The following FBXO9 variants were observed in gnomAD, a reference collection of about 807,000 sequenced individuals.
The protein encoded by FBXO9 is F-box only protein 9.
A neutral mutation model predicts 63.7 loss-of-function variants in FBXO9; 43 were observed. That is an observed-to-expected ratio of 0.67 (90% CI 0.53 to 0.87). The LOEUF (loss-of-function observed/expected upper bound fraction) is 0.87, where lower values mean the gene tolerates loss of function less well. Among genes scored for constraint, FBXO9 ranks in the 40% least tolerant of loss-of-function variants. The probability of loss-of-function intolerance (pLI) is 0.00; values close to 1 mark genes in which losing one functional copy is unlikely to be tolerated. For missense variants in FBXO9, 442 were observed against 533.2 expected, an observed-to-expected ratio of 0.83 and a Z score of 1.68; for synonymous variants, 156 against 171.7, an observed-to-expected ratio of 0.91 and a Z score of 0.72.
intron 3 of FBXO9, 95 bp downstream of exon 3, chr6:53,073,734 T>C: frequency 2.9e-6 from 3 of 1,044,308 alleles, no homozygotes; most frequent in Non-Finnish European, 4.1e-6. Flanking sequence ...TAACCAGACT[T>C]TCGGGACATA....
chr6:53,065,850 A>T (rs1768675821), intron 1 of FBXO9, 58 bp downstream of exon 1: 1 of 1,283,242 alleles, frequency 7.8e-7, no homozygotes, highest in Non-Finnish European at 9.9e-7. Context: ...TGGTGTGCAG[A>T]GGGGCCGGGC....
At chr6:53,083,662 T>C (rs1000532624) in intron 7 of FBXO9, among the ~76,000 whole-genome samples, 1 of 152,178 alleles carries the variant, frequency 6.6e-6, no homozygotes, top group Admixed American at 6.5e-5. Flanking sequence ...TGTGATGGCC[T>C]TTGTGCAGAG....
intron 8 of FBXO9, 84 bp from the exon 9 acceptor site, chr6:53,092,650 C>CATT: frequency 7.2e-7 from 1 of 1,392,004 alleles, no homozygotes; most frequent in Non-Finnish European, 1.0e-6. Context: ...GTACTGTAAG[C>CATT]ATGTTTAAAG....
At chr6:53,089,695 T>G (rs1181690880) in intron 7 of FBXO9, among the ~76,000 whole-genome samples, 1 of 152,146 alleles carries the variant, frequency 6.6e-6, no homozygotes, top group Non-Finnish European at 1.5e-5. Context: ...GTTTATCATC[T>G]CAAAAGGGAT....
intron 1 of FBXO9, chr6:53,070,784 A>G: frequency 5.0e-6 from 2 of 400,552 alleles, no homozygotes; most frequent in South Asian, 6.4e-5. Flanking sequence ...GATGGATGCA[A>G]CTGATGTTAA....
intron 7 of FBXO9, among the ~76,000 whole-genome samples, chr6:53,086,079 G>A (rs949637324): frequency 7.9e-5 from 12 of 152,212 alleles, no homozygotes; most frequent in Admixed American, 7.2e-4. Context: ...AACCCGGTAG[G>A]CGGAGGTTGC....
rs894506328 is a variant in FBXO9, at chr6:53,093,901, C to G, written c.976C>G (p.Leu326Val). The G allele has an allele frequency of 5.8e-6, 9 of 1,546,986 alleles. No individual in the cohort carries two copies. The highest frequency in any genetic ancestry group is 7.9e-6 in the Non-Finnish European group (9 of 1,144,666). Residue 326 changes from leucine (L) to valine (V), a missense_variant, in exon 11 of 13, where the codon CTG becomes GTG. Transcript: ENST00000323557. ...TTTTTTAAGGACTGATGCAATTCTA[C>G]TGGGTCACTATCGCTTGTCACAAGA... ...TRNTRTDAIL[L>V]GHYRLSQDTD... is the part of the protein sequence containing the mutation.
chr6:53,086,234 G>GA (rs1762882818), intron 7 of FBXO9, among the ~76,000 whole-genome samples: 1 of 152,210 alleles, frequency 6.6e-6, no homozygotes, highest in Admixed American at 6.5e-5. Flanking sequence ...AAACCTGCCA[G>GA]AGATGTCAAA....
intron 3 of FBXO9, 113 bp downstream of exon 3, chr6:53,073,752 A>G: frequency 1.1e-6 from 1 of 875,108 alleles, no homozygotes; most frequent in Non-Finnish European, 1.7e-6. Context: ...ATAAACACAT[A>G]TCTTGTAAAA....
intron 4 of FBXO9, among the ~76,000 whole-genome samples, chr6:53,077,365 T>G: frequency 6.8e-6 from 1 of 147,548 alleles, no homozygotes; most frequent in Non-Finnish European, 1.5e-5. Context: ...CCCAGCTACT[T>G]GGGAGGCTGA....
chr6:53,065,304 G>GGCGC (rs1464914913), upstream of FBXO9: 1 of 154,962 alleles, frequency 6.5e-6, no homozygotes, highest in East Asian at 1.9e-4. Flanking sequence ...CCCCGCGTCA[G>GGCGC]GCGCGCGCAC....
chr6:53,094,674 C>G (rs760803266), intron 11 of FBXO9: 9 of 320,554 alleles, frequency 2.8e-5, no homozygotes, highest in Non-Finnish European at 3.2e-5. Flanking sequence ...TCCCCCTTCT[C>G]TAACATCATA....
intron 1 of FBXO9, 47 bp downstream of exon 1, chr6:53,065,839 G>C: frequency 7.6e-7 from 1 of 1,307,774 alleles, no homozygotes; most frequent in South Asian, 2.1e-5. Context: ...GGGCGGGAGC[G>C]TGGTGTGCAG....
rs1411303977 is a variant in FBXO9 at position 53,098,504 on chromosome 6, G to C, written c.*674G>C. On this transcript the variant is annotated 3_prime_UTR_variant, in exon 13 of 13. Coordinates refer to ENST00000323557, the MANE Select transcript of FBXO9 (RefSeq NM_033480.3). ...ACCTGTAGTCCCAGCTATTTGGGAG[G>C]CTGATGCAGGAGAATAGCTTAAGCC... 6.6e-6 allele frequency: 1 copy of C among 152,262 alleles called. No homozygotes were observed. The highest frequency in any genetic ancestry group is 1.5e-5 in the Non-Finnish European group (1 of 68,110). 9.4% of individuals were successfully genotyped at this position (152,262 alleles called of 1,614,324 possible).
intron 7 of FBXO9, among the ~76,000 whole-genome samples, chr6:53,084,041 A>G (rs1461606118): frequency 6.6e-6 from 1 of 152,156 alleles, no homozygotes; most frequent in Non-Finnish European, 1.5e-5. Context: ...ATTAAGTTTG[A>G]TTTTTGTCTA....
At chr6:53,091,506 C>G (rs1763039570) in intron 7 of FBXO9, 1 of 152,224 alleles carries the variant, frequency 6.6e-6, no homozygotes, top group Admixed American at 6.6e-5. Flanking sequence ...GTAGCTGGGA[C>G]TATAGGCACC....
At chr6:53,093,684 G>A (rs959798364) in intron 10 of FBXO9, 123 bp downstream of exon 10, 8 of 868,414 alleles carry the variant, frequency 9.2e-6, no homozygotes, top group African/African-American at 8.6e-5. Flanking sequence ...ATCATTCAGG[G>A]TCTTAGGAAA....
chr6:53,085,232 T>C (rs1204867608), intron 7 of FBXO9, among the ~76,000 whole-genome samples: 2 of 152,208 alleles, frequency 1.3e-5, no homozygotes, highest in African/African-American at 4.8e-5. Flanking sequence ...TTATGCTTGA[T>C]CTTTATTAGC....
intron 1 of FBXO9, among the ~76,000 whole-genome samples, chr6:53,068,654 G>GT (rs55671320): frequency 0.68 from 89,508 of 132,016 alleles, 31,070 homozygotes; most frequent in South Asian, 0.81. Context: ...ATATATATGT[G>GT]TTTTTTTTTT....
Sources: allele counts gnomAD v4.1 joint callset (sites outside exome capture counted in the v4.1 genomes callset), GRCh38; gene constraint gnomAD v4.1.1; transcripts MANE v1.5; gene names NCBI Gene and HGNC (gene_info 2026-07-23, HGNC 2026-07-21).